RASA1: variants seen among roughly 807,000 people sequenced by gnomAD.
RASA1 encodes ras GTPase-activating protein 1.
A neutral mutation model predicts 132.2 loss-of-function variants in RASA1; 25 were observed. That is an observed-to-expected ratio of 0.19 (90% confidence interval 0.14 to 0.26). The LOEUF (loss-of-function observed/expected upper bound fraction) is 0.26. Among genes scored for constraint, RASA1 ranks in the 10% least tolerant of loss-of-function variants. The pLI is 1.00. For missense variants in RASA1, 964 were observed against 1,299.2 expected, an observed-to-expected ratio of 0.74 and a Z score of 3.97; for synonymous variants, 477 against 449.9, an observed-to-expected ratio of 1.06 and a Z score of -0.76.
intron 1 of RASA1, among the ~76,000 whole-genome samples, chr5:87,322,166 G>T (rs1756869535): frequency 6.6e-6 from 1 of 151,984 alleles, no homozygotes; most frequent in Non-Finnish European, 1.5e-5. Flanking sequence ...TTTAAAGCAG[G>T]GGTCCTCAAC....
intron 1 of RASA1, among the ~76,000 whole-genome samples, chr5:87,300,138 G>C (rs2112283016): frequency 6.6e-6 from 1 of 152,286 alleles, no homozygotes; most frequent in East Asian, 1.9e-4. Flanking sequence ...AGGGGCCAAA[G>C]GAGAGAGGAT....
intron 20 of RASA1, among the ~76,000 whole-genome samples, chr5:87,382,275 C>G (rs1353559978): frequency 6.6e-6 from 1 of 152,108 alleles, no homozygotes; most frequent in African/African-American, 2.4e-5. Context: ...TCTATAAATG[C>G]TGTTTGAGAA....
chr5:87,289,452 A>G (rs891553884), intron 1 of RASA1, among the ~76,000 whole-genome samples: 1 of 152,144 alleles, frequency 6.6e-6, no homozygotes, highest in Non-Finnish European at 1.5e-5. Context: ...TGATACTGTA[A>G]AATGGTGGTT....
intron 1 of RASA1, among the ~76,000 whole-genome samples, chr5:87,306,028 A>G (rs1755593637): frequency 6.6e-6 from 1 of 152,246 alleles, no homozygotes; most frequent in Non-Finnish European, 1.5e-5. Flanking sequence ...GGGAGTGTAA[A>G]TTAGTTCAAC....
chr5:87,320,078 G>A (rs545623096), intron 1 of RASA1, among the ~76,000 whole-genome samples: 1 of 152,254 alleles, frequency 6.6e-6, no homozygotes, highest in Admixed American at 6.5e-5. Context: ...GCCAGTCTCT[G>A]CTAAATCATA....
chr5:87,375,003 TA>T (rs916770003), intron 15 of RASA1, 87 bp downstream of exon 15: 3 of 1,479,020 alleles, frequency 2.0e-6, no homozygotes, highest in African/African-American at 2.9e-5. Flanking sequence ...AAATAGAAAT[TA>T]AAAAAACAGA....
chr5:87,316,442 A>C (rs1366218136), intron 1 of RASA1, among the ~76,000 whole-genome samples: 9 of 152,340 alleles, frequency 5.9e-5, no homozygotes, highest in Non-Finnish European at 1.0e-4. Flanking sequence ...ACAATCACAA[A>C]AATACTTCAC....
chr5:87,357,829 C>A (rs1759767147), intron 9 of RASA1, among the ~76,000 whole-genome samples: 1 of 152,156 alleles, frequency 6.6e-6, no homozygotes, highest in Admixed American at 6.6e-5. Context: ...TATAACTGAA[C>A]AAACCTCCAA....
At chr5:87,316,011 T>C (rs760095583) in intron 1 of RASA1, among the ~76,000 whole-genome samples, 33 of 152,238 alleles carry the variant, frequency 2.2e-4, no homozygotes, top group Admixed American at 3.9e-4. Flanking sequence ...AAAAAAATTA[T>C]GGACACTATG....
intron 1 of RASA1, among the ~76,000 whole-genome samples, chr5:87,287,287 TATATATACACC>T (rs1419952777): frequency 3.4e-5 from 5 of 146,250 alleles, no homozygotes; most frequent in African/African-American, 1.3e-4. Flanking sequence ...ATACACACCA[TATATATACACC>T]ATATATACAC....
chr5:87,386,733 T>C, intron 22 of RASA1, 93 bp from the exon 23 acceptor site: 1 of 1,084,230 alleles, frequency 9.2e-7, no homozygotes, highest in Non-Finnish European at 1.4e-6. Context: ...AATTGCAGTT[T>C]TTGCTGTTAA....
chr5:87,285,619 T>C (rs1166259046), intron 1 of RASA1, among the ~76,000 whole-genome samples: 1 of 128,752 alleles, frequency 7.8e-6, no homozygotes, highest in Admixed American at 7.4e-5. Flanking sequence ...TTTCTTTTTC[T>C]TTTTTTTTTT....
intron 1 of RASA1, among the ~76,000 whole-genome samples, chr5:87,321,037 T>A (rs1050428518): frequency 1.2e-4 from 18 of 152,304 alleles, no homozygotes; most frequent in Admixed American, 7.2e-4. Flanking sequence ...AGCCTGTGGT[T>A]TAGGAAGAAA....
chr5:87,347,450 C>T lies in RASA1; in HGVS notation c.1102+726C>T, dbSNP rs557142418. Reference sequence around the variant, plus strand: ...TACCGAGCATTTCTTTGGCAAACCACATCTTATAAAGATTTCAGACAAGTT... The same window carrying T: ...TACCGAGCATTTCTTTGGCAAACCATATCTTATAAAGATTTCAGACAAGTT... On this transcript the variant is annotated intron_variant, in intron 7 of 24. Transcript: ENST00000274376. Among the ~76,000 whole-genome samples the T allele has an allele frequency of 4.2e-4, 64 of 152,096 alleles. 1 individual carries two copies. Among genetic ancestry groups the T allele is most frequent in the South Asian group, 2.3e-3 (11 of 4,822 alleles).
At chr5:87,366,787 T>C (rs1325812730) in intron 11 of RASA1, among the ~76,000 whole-genome samples, 2 of 152,206 alleles carry the variant, frequency 1.3e-5, no homozygotes, top group East Asian at 3.9e-4. Flanking sequence ...ATCCCAGCAC[T>C]TCGGGAGCCC....
rs1308373363 is a variant in RASA1, at chr5:87,302,598, ATACTG to A, written c.540-28747_540-28743del. On this transcript the variant is annotated intron_variant, in intron 1 of 24. Coordinates refer to ENST00000274376, the MANE Select transcript of RASA1 (RefSeq NM_002890.3). ...AGTATTCTATATACTATAGTATACT[ATACTG>A]TATAGTATAGTATACTATACTAAAG... Among the ~76,000 whole-genome samples the A allele has an allele frequency of 4.6e-5, 7 of 151,526 alleles. No homozygotes were observed. The East Asian group carries it at 1.4e-3, about 29-fold the overall frequency.
At position 87,269,010 on chromosome 5, in the gene RASA1, C is replaced by A; in HGVS notation, c.539+20C>A. The A allele has an allele frequency of 6.2e-7, 1 of 1,614,192 alleles. No individual in the cohort carries two copies. Among genetic ancestry groups the A allele is most frequent in the African/African-American group, 1.3e-5 (1 of 75,034 alleles). On this transcript the variant is annotated intron_variant, in intron 1 of 24. Transcript: ENST00000274376. Reference sequence around the variant, plus strand: ...TAACCAGTAAGTTAAGACTGCTGTTCAGGAATTTGGGAAGCTGGCTCCAGA... The same window carrying A: ...TAACCAGTAAGTTAAGACTGCTGTTAAGGAATTTGGGAAGCTGGCTCCAGA...
In RASA1 at chr5:87,376,416, C is replaced by T. The variant is rs1554049394; in HGVS notation, c.2035C>T (p.Arg679Ter). ...DILFMRCQLS[R>*]LQKGHATDEW... ...AGTATTTATGCGCTGCCAGTTGAGCCGATTACAGAAAGGGCATGCCACAGA... is the reference window on the plus strand; with the variant it reads ...AGTATTTATGCGCTGCCAGTTGAGCTGATTACAGAAAGGGCATGCCACAGA... Residue 679 changes from arginine to a stop codon, truncating the protein, a stop_gained, in exon 16 of 25, where the codon CGA becomes TGA. Transcript: ENST00000274376. LOFTEE classifies it high-confidence loss of function. 3 of 1,613,852 alleles carry T rather than the reference C, an allele frequency of 1.9e-6. No individual in the cohort carries two copies. Among genetic ancestry groups the T allele is most frequent in the Non-Finnish European group, 2.5e-6 (3 of 1,179,958 alleles).
At chr5:87,314,155 A>G (rs1044701459) in intron 1 of RASA1, among the ~76,000 whole-genome samples, 2 of 152,186 alleles carry the variant, frequency 1.3e-5, no homozygotes, top group African/African-American at 4.8e-5. Flanking sequence ...CCTGGGCAAC[A>G]AGAGCAAAAC....
Sources: allele counts gnomAD v4.1 joint callset (sites outside exome capture counted in the v4.1 genomes callset), GRCh38; gene constraint gnomAD v4.1.1; transcripts MANE v1.5; gene names NCBI Gene and HGNC (gene_info 2026-07-23, HGNC 2026-07-21).